Variants in ABAT observed in about 807,000 individuals in gnomAD.
ABAT encodes the protein 4-aminobutyrate aminotransferase.
Under a neutral mutation model 64.6 loss-of-function variants are expected in ABAT, and 45 were observed. The observed-to-expected ratio is 0.70, with a 90% CI of 0.55 to 0.89. The LOEUF is 0.89. ABAT is among the 40% of genes least tolerant of loss of function. The pLI is 0.00. For synonymous variants in ABAT, 297 were observed against 250.5 expected, an observed-to-expected ratio of 1.19 and a Z score of -1.75; for missense variants, 633 against 658.4, an observed-to-expected ratio of 0.96 and a Z score of 0.42.
In ABAT at chr16:8,742,804, T is replaced by C. The variant is rs150451808; in HGVS notation, c.71-3197T>C. On this transcript the variant is annotated intron_variant, in intron 2 of 15. Coordinates refer to ENST00000268251, the MANE Select transcript of ABAT (RefSeq NM_020686.6). ...TTGCTTGAAACCGGGATGCAGAGGT[T>C]GCAATGAGCTGAGATCGCACCACTG... is the stretch of plus-strand genomic sequence containing the variant. Among the ~76,000 whole-genome samples the C allele has an allele frequency of 3.8e-3, 557 of 146,148 alleles. 6 individuals are homozygous for C. Among genetic ancestry groups the C allele is most frequent in the African/African-American group, 0.013 (526 of 39,278 alleles).
chr16:8,722,332 C>T (rs564615714), intron 1 of ABAT, among the ~76,000 whole-genome samples: 1 of 152,224 alleles, frequency 6.6e-6, no homozygotes, highest in South Asian at 2.1e-4. Flanking sequence ...TTTGTAGAGA[C>T]AGGGGTTTCA....
At chr16:8,770,322 A>G (rs543036048) in intron 11 of ABAT, among the ~76,000 whole-genome samples, 7 of 152,244 alleles carry the variant, frequency 4.6e-5, no homozygotes, top group Admixed American at 2.0e-4. Context: ...TATTTTTAAT[A>G]GAGACAGGGT....
intron 1 of ABAT, chr16:8,713,660 G>A (rs1361053617): frequency 9.1e-6 from 3 of 330,930 alleles, no homozygotes; most frequent in Non-Finnish European, 1.8e-5. Flanking sequence ...CTTCCAAGGG[G>A]CCCTTTTCTG....
chr16:8,747,952 A>G (rs2059380036), intron 3 of ABAT, among the ~76,000 whole-genome samples, 156 bp from the exon 4 acceptor site: 1 of 152,198 alleles, frequency 6.6e-6, no homozygotes, highest in Non-Finnish European at 1.5e-5. Flanking sequence ...CCAACTATTT[A>G]TATCAAGTAA....
intron 1 of ABAT, among the ~76,000 whole-genome samples, chr16:8,733,829 G>T (rs1228067802): frequency 6.8e-6 from 1 of 147,906 alleles, no homozygotes; most frequent in Non-Finnish European, 1.5e-5. Flanking sequence ...GGGAGAGGGA[G>T]AGGGAGAGGG....
intron 1 of ABAT, among the ~76,000 whole-genome samples, chr16:8,730,840 G>A (rs534437309): frequency 2.6e-5 from 4 of 152,286 alleles, no homozygotes; most frequent in Admixed American, 6.5e-5. Flanking sequence ...CAACCCCAAC[G>A]CTGGCTCCAC....
At chr16:8,747,960 T>C (rs1392008370) in intron 3 of ABAT, 148 bp from the exon 4 acceptor site, 3 of 695,488 alleles carry the variant, frequency 4.3e-6, no homozygotes, top group African/African-American at 3.6e-5. Flanking sequence ...TTATATCAAG[T>C]AATTTTAAAG....
chr16:8,722,924 G>C, intron 1 of ABAT: 1 of 1,216,624 alleles, frequency 8.2e-7, no homozygotes, highest in Non-Finnish European at 1.1e-6. Flanking sequence ...GTGTTTCTTA[G>C]AGTCCGAACG....
intron 1 of ABAT, among the ~76,000 whole-genome samples, chr16:8,730,957 A>C (rs1344524806): frequency 2.6e-5 from 4 of 152,142 alleles, no homozygotes; most frequent in Non-Finnish European, 5.9e-5. Flanking sequence ...TATCAAGAGA[A>C]ACTATTTCTA....
intron 2 of ABAT, chr16:8,736,133 G>A (rs2058924439): frequency 1.9e-5 from 7 of 368,450 alleles, no homozygotes; most frequent in South Asian, 1.6e-4. Context: ...ACTCCCGTTT[G>A]TAAAAACATC....
rs1596475977 is a variant in ABAT, at chr16:8,781,884, A to T, written c.*454A>T. 3.3e-6 allele frequency: 1 copy of T among 299,528 alleles called. No individual in the cohort carries two copies. Among genetic ancestry groups the T allele is most frequent in the South Asian group, 3.2e-5 (1 of 31,058 alleles). 18.6% of individuals were successfully genotyped at this position (299,528 alleles called of 1,614,324 possible). ...CCCCTCGCCCTATGCAAGCAAACACACTCTCACCTCCTCTCCCAGCCTCCC... is the reference window on the plus strand; with the variant it reads ...CCCCTCGCCCTATGCAAGCAAACACTCTCTCACCTCCTCTCCCAGCCTCCC... On this transcript the variant is annotated 3_prime_UTR_variant, in exon 16 of 16. Coordinates refer to ENST00000268251, the MANE Select transcript of ABAT (RefSeq NM_020686.6). The surrounding 1 kb of genome is among the most constrained non-coding windows in gnomAD (Gnocchi z 4.5).
At chr16:8,688,678 C>G (rs2057512465) in intron 1 of ABAT, among the ~76,000 whole-genome samples, 2 of 152,174 alleles carry the variant, frequency 1.3e-5, no homozygotes, top group South Asian at 4.1e-4. Context: ...GTCTCAAACT[C>G]TTGGCCTCAA....
rs1353403407 is a variant in ABAT, at chr16:8,769,106, G to A, written c.816+133G>A. On this transcript the variant is annotated intron_variant, in intron 11 of 15. Transcript: ENST00000268251. ...TGCAGTGCTCCCCCAGAGGGAAGCA[G>A]GGACACAGAGGCCTTGCGTCCCAAA... The A allele has an allele frequency of 2.4e-6, 3 of 1,233,306 alleles. No homozygotes were observed. In the East Asian group the frequency reaches 7.4e-5, roughly 30 times the overall value. The allele number at this position is 1,233,306 out of a possible 1,614,324, so 76.4% of individuals were successfully genotyped here.
At chr16:8,780,111 G>T (rs2060389219) in intron 15 of ABAT, among the ~76,000 whole-genome samples, 1 of 152,116 alleles carries the variant, frequency 6.6e-6, no homozygotes, top group South Asian at 2.1e-4. Context: ...GCGGAGGGAA[G>T]GGTGCATGCG....
chr16:8,732,878 G>A (rs2058778170), intron 1 of ABAT, among the ~76,000 whole-genome samples: 2 of 150,682 alleles, frequency 1.3e-5, no homozygotes, highest in South Asian at 2.1e-4. Context: ...AGGGGAGGCC[G>A]GGCAGAGGCG....
chr16:8,783,234 T>C lies in ABAT; in HGVS notation c.*1804T>C, dbSNP rs2060479337. ...TAACTTTCATTAAATAGCTGCACCA[T>C]CCCAGGCCCTGTGCGGAGCATCGGG... On this transcript the variant is annotated 3_prime_UTR_variant, in exon 16 of 16. Coordinates refer to ENST00000268251, the MANE Select transcript of ABAT (RefSeq NM_020686.6). 1 of 151,982 alleles carries C rather than the reference T, an allele frequency of 6.6e-6. No individual in the cohort carries two copies. Among genetic ancestry groups the C allele is most frequent in the South Asian group, 2.1e-4 (1 of 4,810 alleles). 9.4% of individuals were successfully genotyped at this position (151,982 alleles called of 1,614,324 possible). A position where few individuals can be genotyped will look rare whatever the true frequency, so the allele number is the denominator to read the frequency against.
At chr16:8,681,312 A>G (rs1352768136) in intron 1 of ABAT, among the ~76,000 whole-genome samples, 1 of 152,006 alleles carries the variant, frequency 6.6e-6, no homozygotes, top group Admixed American at 6.6e-5. Flanking sequence ...ATATAAATAA[A>G]TGTTTCTTTG....
chr16:8,678,691 A>G (rs2141892685), intron 1 of ABAT, among the ~76,000 whole-genome samples: 1 of 152,316 alleles, frequency 6.6e-6, no homozygotes, highest in African/African-American at 2.4e-5. Context: ...GACATAACAT[A>G]AAAATGTCCA....
intron 2 of ABAT, among the ~76,000 whole-genome samples, chr16:8,742,370 G>A (rs922614307): frequency 5.9e-5 from 9 of 152,196 alleles, no homozygotes; most frequent in African/African-American, 2.2e-4. Context: ...CTGGAGAAAA[G>A]AAAGGAGGAC....
Sources: allele counts gnomAD v4.1 joint callset (sites outside exome capture counted in the v4.1 genomes callset), GRCh38; gene constraint gnomAD v4.1.1; non-coding constraint Gnocchi (gnomAD v3.1); transcripts MANE v1.5; gene names NCBI Gene and HGNC (gene_info 2026-07-23, HGNC 2026-07-21).